Variants in DNASE2B observed in about 807,000 individuals in gnomAD.
DNASE2B encodes deoxyribonuclease 2 beta, also known as deoxyribonuclease-2-beta.
A neutral mutation model predicts 46.0 loss-of-function variants in DNASE2B; 43 were observed. That is an observed-to-expected ratio of 0.94 (90% CI 0.73 to 1.21). DNASE2B has a LOEUF of 1.21. Ranked by LOEUF, DNASE2B falls within the 50% of genes most tolerant of loss-of-function variation. The pLI, the probability that DNASE2B is intolerant of heterozygous loss-of-function variation, is 0.00. For missense variants in DNASE2B, 395 were observed against 414.4 expected (o/e 0.95, Z 0.41); for synonymous variants, 156 against 152.5 (o/e 1.02, Z -0.17).
chr1:84,407,858 G>T (rs1227323133), intron 2 of DNASE2B, among the ~76,000 whole-genome samples: 1 of 152,054 alleles, frequency 6.6e-6, no homozygotes, highest in African/African-American at 2.4e-5. Flanking sequence ...AAGTTGGAAA[G>T]GTGAAGTGAC....
intron 3 of DNASE2B, among the ~76,000 whole-genome samples, chr1:84,410,545 A>T (rs3116415): frequency 0.4 from 60,823 of 152,034 alleles, 12,390 homozygotes; most frequent in Middle Eastern, 0.47. Context: ...GCAAATTTGC[A>T]TTCTGCCAAA....
intron 2 of DNASE2B, among the ~76,000 whole-genome samples, chr1:84,404,676 A>C (rs1309864077): frequency 6.6e-6 from 1 of 152,198 alleles, no homozygotes; most frequent in African/African-American, 2.4e-5. Flanking sequence ...CCAATACCAA[A>C]AGAACTTTAA....
In DNASE2B at chr1:84,398,488, C is replaced by A. The variant is rs941813342; in HGVS notation, c.-77C>A. ...AGGTAAATCAAATCAAACGTCAGAGCCAGCACAGCCTGAGAGCGCCTTGAA... is the reference window on the plus strand; with the variant it reads ...AGGTAAATCAAATCAAACGTCAGAGACAGCACAGCCTGAGAGCGCCTTGAA... On this transcript the variant is annotated 5_prime_UTR_variant, in exon 1 of 6. Transcript: ENST00000370665. The A allele has an allele frequency of 2.5e-6, 4 of 1,575,314 alleles. No homozygotes were observed. The Admixed American group carries it at 6.9e-5, about 27-fold the overall frequency.
At position 84,402,094 on chromosome 1, in the gene DNASE2B, A is replaced by C; in HGVS notation, c.303+16A>C. On this transcript the variant is annotated intron_variant, in intron 2 of 5. Transcript: ENST00000370665. ...TGCCTCTAAGGTATGTTATATAGTT[A>C]ATTGTTCACTTGAATAATATAAAAT... 7 of 1,576,286 alleles carry C rather than the reference A, an allele frequency of 4.4e-6. No individual in the cohort carries two copies. Among genetic ancestry groups the C allele is most frequent in the Non-Finnish European group, 6.0e-6 (7 of 1,168,400 alleles).
At chr1:84,403,211 GC>G (rs1404800194) in intron 2 of DNASE2B, among the ~76,000 whole-genome samples, 4 of 152,130 alleles carry the variant, frequency 2.6e-5, no homozygotes, top group African/African-American at 9.7e-5. Context: ...AGGGGTGCCG[GC>G]CCTCATGCCG....
rs752794024 is a variant in DNASE2B at position 84,411,007 on chromosome 1, T to C, written c.547+8T>C. 1 of 1,576,398 alleles carries C rather than the reference T, an allele frequency of 6.3e-7. No individual in the cohort carries two copies. The highest frequency in any genetic ancestry group is 1.1e-5 in the South Asian group (1 of 87,202). ...ACCAGTATGAGGCAATAGGTAAAAC[T>C]AAAGTATGTGAGAAAAAAAACGATA... On this transcript the variant is annotated splice_region_variant and intron_variant, in intron 4 of 5. Transcript: ENST00000370665.
Position 84,414,921 on chromosome 1 carries a change from C to T in DNASE2B, c.*53C>T. On this transcript the variant is annotated 3_prime_UTR_variant, in exon 6 of 6. Coordinates refer to ENST00000370665, the MANE Select transcript of DNASE2B (RefSeq NM_021233.3). ...ATTGAAAACCTTGACAATGGGTCTT[C>T]TTCCATTACACCTTCTTTATATTTT... 1.6e-6 allele frequency: 2 copies of T among 1,288,730 alleles called. No individual in the cohort carries two copies. The highest frequency in any genetic ancestry group is 2.2e-6 in the Non-Finnish European group (2 of 915,882). The allele number at this position is 1,288,730 out of a possible 1,614,324, so 79.8% of individuals were successfully genotyped here.
chr1:84,411,469 T>TCA (rs1680595706), intron 4 of DNASE2B, among the ~76,000 whole-genome samples: 140 of 44,630 alleles, frequency 3.1e-3, no homozygotes, highest in African/African-American at 0.012. Context: ...TGTGTGTGTG[T>TCA]GTGTGTGTGT....
intron 4 of DNASE2B, among the ~76,000 whole-genome samples, chr1:84,411,473 T>TCA (rs1680596381): frequency 6.0e-4 from 27 of 44,838 alleles, no homozygotes; most frequent in African/African-American, 2.1e-3. Flanking sequence ...TGTGTGTGTG[T>TCA]GTGTGTGTGT....
chr1:84,402,229 T>G (rs1209904638), intron 2 of DNASE2B, among the ~76,000 whole-genome samples, 151 bp downstream of exon 2: 1 of 152,204 alleles, frequency 6.6e-6, no homozygotes, highest in East Asian at 1.9e-4. Flanking sequence ...GACAACTATC[T>G]GAGTCAATCT....
intron 4 of DNASE2B, among the ~76,000 whole-genome samples, chr1:84,411,430 GT>G (rs1680591253): frequency 4.3e-3 from 7 of 1,612 alleles, no homozygotes; most frequent in Non-Finnish European, 8.9e-3. Flanking sequence ...CCTAGGGTGT[GT>G]GTGTGTGTGT....
intron 4 of DNASE2B, among the ~76,000 whole-genome samples, chr1:84,411,657 A>G (rs779141886): frequency 3.9e-5 from 6 of 152,182 alleles, no homozygotes; most frequent in African/African-American, 7.2e-5. Context: ...AGATTTGGCA[A>G]ACTGTGGTGG....
At chr1:84,410,638 T>C (rs890094521) in intron 3 of DNASE2B, among the ~76,000 whole-genome samples, 200 bp from the exon 4 acceptor site, 2 of 152,220 alleles carry the variant, frequency 1.3e-5, no homozygotes, top group African/African-American at 4.8e-5. Context: ...TCGTGGTGGC[T>C]TTTTATCAGT....
At chr1:84,404,926 C>G (rs907777948) in intron 2 of DNASE2B, among the ~76,000 whole-genome samples, 2 of 152,188 alleles carry the variant, frequency 1.3e-5, no homozygotes, top group Non-Finnish European at 2.9e-5. Flanking sequence ...TGCCTTAAAT[C>G]CTGATGCTTG....
chr1:84,411,833 T>TAATGATG (rs1428538524), intron 4 of DNASE2B, among the ~76,000 whole-genome samples: 2 of 152,222 alleles, frequency 1.3e-5, no homozygotes, highest in Non-Finnish European at 2.9e-5. Context: ...TGAAATCATG[T>TAATGATG]AATGATGCCG....
At chr1:84,402,125 A>C (rs1476081710) in intron 2 of DNASE2B, 47 bp downstream of exon 2, 2 of 1,530,828 alleles carry the variant, frequency 1.3e-6, no homozygotes, top group Admixed American at 2.3e-5. Flanking sequence ...AAAATGCATA[A>C]AACTGAATCC....
At chr1:84,401,818 ATATAT>A in intron 1 of DNASE2B, 78 bp from the exon 2 acceptor site, 1 of 1,045,540 alleles carries the variant, frequency 9.6e-7, no homozygotes. Context: ...GAAATGAGAG[ATATAT>A]TAAAGTGTGT....
chr1:84,405,289 C>T (rs140156591), intron 2 of DNASE2B, among the ~76,000 whole-genome samples: 1 of 152,246 alleles, frequency 6.6e-6, no homozygotes, highest in Non-Finnish European at 1.5e-5. Context: ...CAATCTTGCA[C>T]CCATATAAAA....
At chr1:84,409,858 G>T (rs1346687165) in intron 3 of DNASE2B, among the ~76,000 whole-genome samples, 2 of 152,104 alleles carry the variant, frequency 1.3e-5, no homozygotes, top group Non-Finnish European at 2.9e-5. Context: ...CCAGCAAATT[G>T]GCACACTCAT....
Sources: gnomAD v4.1 joint callset for allele counts (sites outside exome capture counted in the v4.1 genomes callset) on GRCh38, gnomAD v4.1.1 for gene constraint, MANE v1.5 for transcripts, NCBI Gene and HGNC (gene_info 2026-07-23, HGNC 2026-07-21) for gene names.